Variants in FRA10AC1 observed in about 807,000 individuals in gnomAD.
The protein encoded by FRA10AC1 is protein FRA10AC1.
Under a neutral mutation model 56.5 loss-of-function variants are expected in FRA10AC1, and 43 were observed. The observed-to-expected ratio is 0.76, with a 90% CI of 0.60 to 0.98. The LOEUF is 0.98. FRA10AC1 is among the 50% of genes least tolerant of loss of function. The pLI is 0.00. For missense variants in FRA10AC1, 346 were observed against 351.8 expected, an observed-to-expected ratio of 0.98 and a Z score of 0.13; for synonymous variants, 112 against 110.5, an observed-to-expected ratio of 1.01 and a Z score of -0.09.
At chr10:93,675,402 C>T (rs1294141702) in intron 12 of FRA10AC1, 1 of 152,016 alleles carries the variant, frequency 6.6e-6, no homozygotes, top group Non-Finnish European at 1.5e-5. Context: ...TTTCTTAATT[C>T]TTAGGTTTAT....
At chr10:93,677,375 C>T (rs12784751) in intron 11 of FRA10AC1, among the ~76,000 whole-genome samples, 60,146 of 152,046 alleles carry the variant, frequency 0.4, 14,473 homozygotes, top group Non-Finnish European at 0.52. Flanking sequence ...TAGGAGGCCT[C>T]GTAACCCAAA....
At chr10:93,700,929 A>G (rs1352750190) in intron 1 of FRA10AC1, among the ~76,000 whole-genome samples, 2 of 152,212 alleles carry the variant, frequency 1.3e-5, no homozygotes, top group East Asian at 3.9e-4. Flanking sequence ...CCTGGGCTCA[A>G]TCAATCCTCC....
intron 8 of FRA10AC1, among the ~76,000 whole-genome samples, chr10:93,686,930 A>G (rs751382032): frequency 6.6e-5 from 10 of 151,838 alleles, no homozygotes; most frequent in Non-Finnish European, 1.5e-4. Flanking sequence ...CTATTAGACT[A>G]AGTATTTGGG....
chr10:93,675,659 C>T (rs1426281454), intron 12 of FRA10AC1: 8 of 370,606 alleles, frequency 2.2e-5, no homozygotes, highest in African/African-American at 4.2e-5. Flanking sequence ...CAGCTGAGAT[C>T]GCGCCACTGC....
At chr10:93,674,133 C>T (rs2058807713) in intron 12 of FRA10AC1, 1 of 152,132 alleles carries the variant, frequency 6.6e-6, no homozygotes, top group Non-Finnish European at 1.5e-5. Flanking sequence ...AAGTTGTATA[C>T]TTTAAATATA....
chr10:93,687,499 G>A, intron 7 of FRA10AC1, 50 bp from the exon 8 acceptor site: 2 of 1,398,416 alleles, frequency 1.4e-6, no homozygotes, highest in Non-Finnish European at 9.6e-7. Flanking sequence ...AAATTATACA[G>A]AAATCTAAAC....
intron 11 of FRA10AC1, 48 bp from the exon 12 acceptor site, chr10:93,676,739 G>A: frequency 2.0e-6 from 3 of 1,515,158 alleles, no homozygotes; most frequent in Non-Finnish European, 1.8e-6. Flanking sequence ...TTGTAATAGT[G>A]CAATCATTGT....
In FRA10AC1 at chr10:93,676,711, GATTT is replaced by G. The variant is rs772822662; in HGVS notation, c.788-24_788-21del. On this transcript the variant is annotated intron_variant, in intron 11 of 13. Coordinates refer to ENST00000359204, the MANE Select transcript of FRA10AC1 (RefSeq NM_145246.5). ...AATGTCCTGAAAAGGAAACATCATT[GATTT>G]ATTAACTATCATCTTGTAATAGTGC... The G allele has an allele frequency of 3.2e-6, 5 of 1,559,616 alleles. No individual in the cohort carries two copies. The South Asian group carries it at 3.6e-5, about 11-fold the overall frequency.
chr10:93,686,753 G>C (rs2059034729), intron 8 of FRA10AC1, among the ~76,000 whole-genome samples: 1 of 151,734 alleles, frequency 6.6e-6, no homozygotes, highest in African/African-American at 2.4e-5. Flanking sequence ...CTACTATATA[G>C]TTTTCAGTAC....
intron 7 of FRA10AC1, among the ~76,000 whole-genome samples, chr10:93,691,089 T>C (rs2059117219): frequency 6.6e-6 from 1 of 152,182 alleles, no homozygotes; most frequent in Non-Finnish European, 1.5e-5. Flanking sequence ...ATAACACATA[T>C]TTATGCAACA....
At chr10:93,683,944 A>T (rs2058979722) in intron 10 of FRA10AC1, 112 bp downstream of exon 10, 4 of 731,980 alleles carry the variant, frequency 5.5e-6, no homozygotes, top group Admixed American at 4.4e-5. Context: ...TTTCTACATG[A>T]TCAACCAATT....
At chr10:93,691,404 T>A (rs1280540446) in intron 7 of FRA10AC1, among the ~76,000 whole-genome samples, 8 of 152,146 alleles carry the variant, frequency 5.3e-5, no homozygotes. Flanking sequence ...CTTGAACTCC[T>A]GGCCTCAAGC....
chr10:93,697,166 G>GA (rs1366142997), intron 4 of FRA10AC1, among the ~76,000 whole-genome samples: 1 of 152,140 alleles, frequency 6.6e-6, no homozygotes, highest in Non-Finnish European at 1.5e-5. Flanking sequence ...TCCTATGCCA[G>GA]AAAAAAGAGT....
At position 93,696,589 on chromosome 10, in the gene FRA10AC1, C is replaced by T. The variant is rs567480378; in HGVS notation, c.219+1547G>A. On this transcript the variant is annotated intron_variant, in intron 4 of 13. Coordinates refer to ENST00000359204, the MANE Select transcript of FRA10AC1 (RefSeq NM_145246.5). Reference sequence around the variant, plus strand: ...GAACCAGAAATAACATCTGATCCAGCAATCCCATTACTGGGTATATACCAA... The same window carrying T: ...GAACCAGAAATAACATCTGATCCAGTAATCCCATTACTGGGTATATACCAA... Among the ~76,000 whole-genome samples the T allele has an allele frequency of 2.0e-5, 3 of 152,310 alleles. No homozygotes were observed. The East Asian group carries it at 5.8e-4, about 29-fold the overall frequency.
At chr10:93,700,934 T>G (rs1289454681) in intron 1 of FRA10AC1, among the ~76,000 whole-genome samples, 2 of 152,058 alleles carry the variant, frequency 1.3e-5, no homozygotes, top group Non-Finnish European at 2.9e-5. Context: ...GCTCAATCAA[T>G]CCTCCCACCT....
At chr10:93,681,024 C>A (rs1428047169) in intron 11 of FRA10AC1, among the ~76,000 whole-genome samples, 2 of 152,128 alleles carry the variant, frequency 1.3e-5, no homozygotes, top group Non-Finnish European at 1.5e-5. Flanking sequence ...TAAATAAAAT[C>A]AGTGTTACAA....
chr10:93,699,882 T>C (rs909766277), intron 2 of FRA10AC1, 148 bp downstream of exon 2: 3 of 522,156 alleles, frequency 5.7e-6, no homozygotes, highest in Non-Finnish European at 1.0e-5. Context: ...TTTTAATCAA[T>C]GTATTAGCTT....
At chr10:93,692,293 A>G (rs572355146) in intron 6 of FRA10AC1, among the ~76,000 whole-genome samples, 200 bp from the exon 7 acceptor site, 140 of 152,340 alleles carry the variant, frequency 9.2e-4, no homozygotes, top group Non-Finnish European at 1.5e-3. Context: ...GACAGTCACA[A>G]ATAAGAAGGA....
chr10:93,682,119 G>A (rs954475375), intron 10 of FRA10AC1, among the ~76,000 whole-genome samples: 1 of 152,030 alleles, frequency 6.6e-6, no homozygotes, highest in Non-Finnish European at 1.5e-5. Context: ...TCAACATCAG[G>A]CCACTTATAA....
Sources: allele counts gnomAD v4.1 joint callset (sites outside exome capture counted in the v4.1 genomes callset), GRCh38; gene constraint gnomAD v4.1.1; transcripts MANE v1.5; gene names NCBI Gene and HGNC (gene_info 2026-07-23, HGNC 2026-07-21).